Variants in SLC26A5 observed in about 807,000 individuals in gnomAD.
SLC26A5 encodes prestin.
SLC26A5 carries 51 observed loss-of-function variants against 81.0 expected under a neutral mutation model. That is an observed-to-expected ratio of 0.63 (90% confidence interval 0.50 to 0.80). The LOEUF (loss-of-function observed/expected upper bound fraction) is 0.80, where lower values mean the gene tolerates loss of function less well. SLC26A5 is among the 30% of genes least tolerant of loss of function. The pLI is 0.00. For missense variants in SLC26A5, 771 were observed against 905.8 expected (o/e 0.85, Z 1.91); for synonymous variants, 325 against 332.8 (o/e 0.98, Z 0.25).
downstream of SLC26A5, among the ~76,000 whole-genome samples, chr7:103,373,294 T>C (rs148227654): frequency 3.2e-4 from 49 of 152,340 alleles, no homozygotes; most frequent in African/African-American, 1.2e-3. Flanking sequence ...GATTAGTTAA[T>C]GGTAGATCAA....
chr7:103,371,378 G>A (rs1461829272), downstream of SLC26A5, among the ~76,000 whole-genome samples: 1 of 149,440 alleles, frequency 6.7e-6, no homozygotes, highest in Non-Finnish European at 1.5e-5. Flanking sequence ...AGGCTGGAGT[G>A]CAGTGGCGCG....
At chr7:103,442,226 C>T (rs1463237991) in intron 2 of SLC26A5, among the ~76,000 whole-genome samples, 1 of 152,162 alleles carries the variant, frequency 6.6e-6, no homozygotes, top group East Asian at 1.9e-4. Flanking sequence ...ACTGCAACCT[C>T]CACCTCCTGG....
intron 14 of SLC26A5, among the ~76,000 whole-genome samples, chr7:103,382,000 C>G (rs946503932): frequency 7.2e-5 from 11 of 151,926 alleles, no homozygotes; most frequent in Admixed American, 2.6e-4. Context: ...ACACCCTATA[C>G]CTCCCCTCCC....
At chr7:103,439,894 A>G (rs755201100) in intron 2 of SLC26A5, among the ~76,000 whole-genome samples, 6 of 152,202 alleles carry the variant, frequency 3.9e-5, no homozygotes, top group Non-Finnish European at 7.3e-5. Context: ...TGCACTGGCC[A>G]GGATGCTCTA....
At chr7:103,379,377 T>C in intron 15 of SLC26A5, 42 bp from the exon 16 acceptor site, 1 of 1,345,914 alleles carries the variant, frequency 7.4e-7, no homozygotes, top group Non-Finnish European at 1.1e-6. Flanking sequence ...ATGGAAATAT[T>C]TCAGAATCAA....
At chr7:103,402,717 G>C (rs1823705462) in intron 8 of SLC26A5, among the ~76,000 whole-genome samples, 1 of 151,986 alleles carries the variant, frequency 6.6e-6, no homozygotes, top group African/African-American at 2.4e-5. Flanking sequence ...GTATTTCTGT[G>C]GGAGCAGTGG....
intron 19 of SLC26A5, chr7:103,362,514 A>G (rs1586165442): frequency 3.5e-6 from 5 of 1,416,006 alleles, no homozygotes; most frequent in Admixed American, 6.0e-5. Flanking sequence ...GACATTAGAC[A>G]TGTAGTTTAG....
chr7:103,438,313 T>C (rs1483550754), intron 2 of SLC26A5, among the ~76,000 whole-genome samples: 1 of 152,114 alleles, frequency 6.6e-6, no homozygotes, highest in Non-Finnish European at 1.5e-5. Flanking sequence ...TACCCATAAA[T>C]ATATAAAATT....
intron 19 of SLC26A5, among the ~76,000 whole-genome samples, chr7:103,363,791 G>T (rs999883117): frequency 1.3e-5 from 2 of 152,128 alleles, no homozygotes; most frequent in Non-Finnish European, 2.9e-5. Flanking sequence ...GGTTAAACTT[G>T]GGAGGATAAT....
At chr7:103,404,108 G>A (rs981897058) in intron 8 of SLC26A5, among the ~76,000 whole-genome samples, 10 of 152,130 alleles carry the variant, frequency 6.6e-5, no homozygotes, top group East Asian at 1.9e-4. Flanking sequence ...GCTTGAACCC[G>A]GGAAGCGGAA....
intron 2 of SLC26A5, among the ~76,000 whole-genome samples, chr7:103,439,617 T>C (rs1826719434): frequency 6.6e-6 from 1 of 152,150 alleles, no homozygotes; most frequent in South Asian, 2.1e-4. Context: ...CGCTGCAACA[T>C]CTGCTTCCCA....
chr7:103,400,182 C>T (rs1175674257), intron 8 of SLC26A5, among the ~76,000 whole-genome samples: 2 of 152,140 alleles, frequency 1.3e-5, no homozygotes, highest in Non-Finnish European at 2.9e-5. Flanking sequence ...TTTACACTCC[C>T]ACCAACAGTG....
At chr7:103,406,923 G>T (rs116967094) in intron 8 of SLC26A5, among the ~76,000 whole-genome samples, 1 of 152,216 alleles carries the variant, frequency 6.6e-6, no homozygotes, top group Admixed American at 6.5e-5. Flanking sequence ...AAAGTGCTAG[G>T]ATTACAGATG....
At chr7:103,419,059 G>A (rs1825136168) in intron 4 of SLC26A5, among the ~76,000 whole-genome samples, 1 of 152,030 alleles carries the variant, frequency 6.6e-6, no homozygotes, top group Non-Finnish European at 1.5e-5. Context: ...ATGATTTTAC[G>A]AGGGGCAGTT....
rs1402426104 is a variant in SLC26A5 at position 103,380,559 on chromosome 7, A to T, written c.1515-10T>A. On this transcript the variant is annotated splice_polypyrimidine_tract_variant and intron_variant, in intron 14 of 19. Transcript: ENST00000306312. ...GACTTTGTAGCTTGGACTGAAGATA[A>T]AGAGTGTTAAATACCATTGTGTTGA... The T allele has an allele frequency of 2.5e-6, 4 of 1,611,428 alleles. No individual in the cohort carries two copies. Among genetic ancestry groups the T allele is most frequent in the Non-Finnish European group, 2.5e-6 (3 of 1,177,752 alleles).
At chr7:103,376,741 C>A in intron 19 of SLC26A5, 67 bp downstream of exon 19, 2 of 1,056,332 alleles carry the variant, frequency 1.9e-6, no homozygotes, top group Non-Finnish European at 1.4e-6. Context: ...TTTCCAAGTG[C>A]AATTATTTAA....
At chr7:103,354,811 GT>G (rs915076921) in intron 19 of SLC26A5, 1 of 1,148,188 alleles carries the variant, frequency 8.7e-7, no homozygotes, top group African/African-American at 1.6e-5. Flanking sequence ...TTTACCTGTA[GT>G]TTTAATAAAT....
chr7:103,403,126 A>G (rs936748133), intron 8 of SLC26A5, among the ~76,000 whole-genome samples: 1 of 152,038 alleles, frequency 6.6e-6, no homozygotes, highest in African/African-American at 2.4e-5. Context: ...TAATATTGTT[A>G]TTTACCCAGT....
At chr7:103,403,916 C>T (rs1823815547) in intron 8 of SLC26A5, among the ~76,000 whole-genome samples, 1 of 152,130 alleles carries the variant, frequency 6.6e-6, no homozygotes, top group African/African-American at 2.4e-5. Context: ...GGTGCGGTGG[C>T]TCACGCCTGT....
Sources: allele counts gnomAD v4.1 joint callset (sites outside exome capture counted in the v4.1 genomes callset), GRCh38; gene constraint gnomAD v4.1.1; transcripts MANE v1.5; gene names NCBI Gene and HGNC (gene_info 2026-07-23, HGNC 2026-07-21).